HTT: variants seen among roughly 807,000 people sequenced by gnomAD.
HTT encodes huntington disease protein.
HTT carries 104 observed loss-of-function variants against 362.3 expected under a neutral mutation model. That is an observed-to-expected ratio of 0.29 (90% CI 0.24 to 0.34). HTT has a LOEUF of 0.34. HTT is among the 10% of genes least tolerant of loss of function. The pLI is 1.00. For missense variants in HTT, 3,301 were observed against 3,928.6 expected (o/e 0.84, Z 4.27); for synonymous variants, 1,577 against 1,548.7 (o/e 1.02, Z -0.43).
rs1022072962 is a variant in HTT at position 3,240,854 on chromosome 4, G to A, written c.*795G>A. 1 of 152,502 alleles carries A rather than the reference G, an allele frequency of 6.6e-6. No homozygotes were observed. Among genetic ancestry groups the A allele is most frequent in the Non-Finnish European group, 1.5e-5 (1 of 68,126 alleles). 9.4% of individuals were successfully genotyped at this position (152,502 alleles called of 1,614,324 possible). A position where few individuals can be genotyped will look rare whatever the true frequency, so the allele number is the denominator to read the frequency against. ...TCACAAGGTGACTGGGATGTAGAGA[G>A]GCGTTAGTGGGCAGGTGGCCACAGC... On this transcript the variant is annotated 3_prime_UTR_variant, in exon 67 of 67. Transcript: ENST00000355072.
At chr4:3,178,121 C>T (rs1718320756) in intron 34 of HTT, among the ~76,000 whole-genome samples, 177 bp from the exon 35 acceptor site, 3 of 152,184 alleles carry the variant, frequency 2.0e-5, no homozygotes, top group South Asian at 2.1e-4. Context: ...CCCTGCTCTG[C>T]GCGAGGGCAC....
chr4:3,169,133 C>G (rs1241193782), intron 29 of HTT, among the ~76,000 whole-genome samples: 1 of 152,056 alleles, frequency 6.6e-6, no homozygotes, highest in Non-Finnish European at 1.5e-5. Flanking sequence ...ATTCTCCTGC[C>G]TCAGCCTCCT....
intron 64 of HTT, among the ~76,000 whole-genome samples, chr4:3,237,760 C>G (rs568279399): frequency 1.3e-4 from 20 of 152,242 alleles, no homozygotes; most frequent in Non-Finnish European, 2.2e-4. Flanking sequence ...ACACGGCTGG[C>G]ATGTGTGCAC....
At chr4:3,163,448 G>A (rs1717541184) in intron 29 of HTT, among the ~76,000 whole-genome samples, 1 of 152,218 alleles carries the variant, frequency 6.6e-6, no homozygotes, top group Admixed American at 6.5e-5. Flanking sequence ...CATAAAATGA[G>A]TTAGGGAGGA....
chr4:3,172,532 C>A, intron 30 of HTT, 135 bp downstream of exon 30: 1 of 726,884 alleles, frequency 1.4e-6, no homozygotes, highest in South Asian at 1.5e-5. Context: ...CACTTTTTGG[C>A]TCAGTCCATG....
rs1360203897 is a variant in HTT, at chr4:3,127,463, C to T, written c.1602C>T (p.Ser534=). ...GDEEDILSHS[S]SQVSAVPSDP... ...AGGAGGATATCTTGAGCCACAGCTC[C>T]AGCCAGGTCAGCGCCGTCCCATCTG... is the stretch of plus-strand genomic sequence containing the variant. Residue 534 remains serine (S), a synonymous_variant, in exon 12 of 67, where the codon TCC becomes TCT. Transcript: ENST00000355072. The T allele has an allele frequency of 1.2e-6, 2 of 1,614,062 alleles. No homozygotes were observed. Among genetic ancestry groups the T allele is most frequent in the African/African-American group, 1.3e-5 (1 of 74,930 alleles).
intron 64 of HTT, among the ~76,000 whole-genome samples, chr4:3,237,904 C>A (rs1721614981): frequency 6.6e-6 from 1 of 152,170 alleles, no homozygotes; most frequent in African/African-American, 2.4e-5. Flanking sequence ...AGAAAAAAGT[C>A]CTGGTTGACA....
chr4:3,208,949 G>A (rs1219208073), intron 46 of HTT, 38 bp downstream of exon 46: 5 of 1,581,226 alleles, frequency 3.2e-6, no homozygotes, highest in South Asian at 1.2e-5. Context: ...GGCACAGGGC[G>A]CTGAGTGCCT....
chr4:3,235,868 C>T (rs986545975), intron 63 of HTT, 90 bp downstream of exon 63: 35 of 1,021,524 alleles, frequency 3.4e-5, no homozygotes, highest in South Asian at 1.4e-5. Flanking sequence ...CGACTAGGTG[C>T]CCTCTGATTT....
chr4:3,172,924 T>G lies in HTT; in HGVS notation c.3959T>G (p.Phe1320Cys). The G allele has an allele frequency of 6.2e-7, 1 of 1,614,134 alleles. No homozygotes were observed. Among genetic ancestry groups the G allele is most frequent in the Non-Finnish European group, 8.5e-7 (1 of 1,179,964 alleles). ...VCVQQLLKTL[F>C]GTNLASQFDG... ...TCACTGTAGTTGTTGAAGACTCTCT[T>G]TGGCACAAACTTGGCCTCCCAGTTT... Residue 1320 changes from phenylalanine (F) to cysteine (C), a missense_variant, in exon 31 of 67, where the codon TTT (phenylalanine) becomes TGT (cysteine). Coordinates refer to ENST00000355072, the MANE Select transcript of HTT (RefSeq NM_001388492.1).
At chr4:3,155,622 C>A (rs1054769192) in intron 27 of HTT, among the ~76,000 whole-genome samples, 8 of 150,246 alleles carry the variant, frequency 5.3e-5, no homozygotes, top group African/African-American at 2.0e-4. Context: ...TGGCTCACAC[C>A]TGTAATCCCA....
rs931576592 is a variant in HTT, at chr4:3,242,730, T to C, written c.*2671T>C. 4 of 152,172 alleles carry C rather than the reference T, an allele frequency of 2.6e-5. No individual in the cohort carries two copies. The highest frequency in any genetic ancestry group is 5.9e-5 in the Non-Finnish European group (4 of 68,032). The allele number at this position is 152,172 out of a possible 1,614,324, so 9.4% of individuals were successfully genotyped here. On this transcript the variant is annotated 3_prime_UTR_variant, in exon 67 of 67. Coordinates refer to ENST00000355072, the MANE Select transcript of HTT (RefSeq NM_001388492.1). ...AATGTGATTAATTTGGTTGTCAAGT[T>C]TTGGGGGTGGGCTGTGGGGAGATTG...
chr4:3,181,746 A>T (rs1244263548), intron 36 of HTT, among the ~76,000 whole-genome samples: 2 of 152,206 alleles, frequency 1.3e-5, no homozygotes, highest in Admixed American at 1.3e-4. Context: ...AGAGGTCTGA[A>T]AATGAGCAAC....
intron 4 of HTT, 36 bp downstream of exon 4, chr4:3,103,919 A>AT: frequency 6.0e-6 from 8 of 1,327,114 alleles, no homozygotes; most frequent in Non-Finnish European, 5.4e-6. Flanking sequence ...AATGTTTTAA[A>AT]TTTTAAATTT....
In HTT at chr4:3,107,328, A is replaced by AGTCC; in HGVS notation, c.652_653insGTCC (p.Lys218SerfsTer29). On this transcript the variant is annotated frameshift_variant, in exon 6 of 67. Transcript: ENST00000355072. LOFTEE classifies it high-confidence loss of function. ...TCTGCCGTGCCTGACTCGAACAAGC[A>AGTCC]AGAGACCCGAAGAATCAGTCCAGGA... The AGTCC allele has an allele frequency of 6.2e-7, 1 of 1,614,254 alleles. No individual in the cohort carries two copies. Among genetic ancestry groups the AGTCC allele is most frequent in the Non-Finnish European group, 8.5e-7 (1 of 1,180,032 alleles).
Position 3,145,208 on chromosome 4 carries a change from G to GC in HTT, c.3123_3124insC (p.Ser1042GlnfsTer16). 6.2e-7 allele frequency: 1 copy of GC among 1,613,100 alleles called. No homozygotes were observed. The highest frequency in any genetic ancestry group is 8.5e-7 in the Non-Finnish European group (1 of 1,179,058). On this transcript the variant is annotated frameshift_variant, in exon 24 of 67. Coordinates refer to ENST00000355072, the MANE Select transcript of HTT (RefSeq NM_001388492.1). LOFTEE classifies it high-confidence loss of function. ...CCACTGCCTTCCCAGTTTGCATTTG[G>GC]AGTTTAGGTTGGCACTGTGGGTATG...
At chr4:3,216,620 T>C (rs1431857915) in intron 51 of HTT, among the ~76,000 whole-genome samples, 2 of 152,244 alleles carry the variant, frequency 1.3e-5, no homozygotes, top group Non-Finnish European at 1.5e-5. Flanking sequence ...GGGTTCTGTT[T>C]GGGTGAAGAT....
At position 3,096,973 on chromosome 4, in the gene HTT, G is replaced by A. The variant is rs566748459; in HGVS notation, c.348-2301G>A. 7.2e-5 allele frequency among the ~76,000 whole-genome samples: 11 copies of A among 152,198 alleles called. No homozygotes were observed. The Middle Eastern group carries it at 0.01, about 141-fold the overall frequency. ...ATATCTACAAAAAACAAAAAAATTAGCCAGGTGTGGTGGCATGTGCCTGTA... is the reference window on the plus strand; with the variant it reads ...ATATCTACAAAAAACAAAAAAATTAACCAGGTGTGGTGGCATGTGCCTGTA... On this transcript the variant is annotated intron_variant, in intron 2 of 66. Transcript: ENST00000355072.
rs769986597 is a variant in HTT, at chr4:3,172,915, A to G, written c.3950A>G (p.Lys1317Arg). The G allele has an allele frequency of 5.6e-6, 9 of 1,613,614 alleles. No homozygotes were observed. Among genetic ancestry groups the G allele is most frequent in the Non-Finnish European group, 7.6e-6 (9 of 1,179,614 alleles). The stretch of plus-strand genomic sequence containing the variant: ...TCATTTTTTTCACTGTAGTTGTTGA[A>G]GACTCTCTTTGGCACAAACTTGGCC... ...MATVCVQQLLKTLFGTNLASQ... is the reference protein window; with the variant it reads ...MATVCVQQLLRTLFGTNLASQ... Residue 1317 changes from lysine to arginine, a missense_variant, in exon 31 of 67, where the codon AAG (lysine) becomes AGG (arginine). Transcript: ENST00000355072.
Sources: gnomAD v4.1 joint callset for allele counts (sites outside exome capture counted in the v4.1 genomes callset) on GRCh38, gnomAD v4.1.1 for gene constraint, MANE v1.5 for transcripts, NCBI Gene and HGNC (gene_info 2026-07-23, HGNC 2026-07-21) for gene names.